Variants in TSPEAR observed in about 807,000 individuals in gnomAD.
The protein encoded by TSPEAR is thrombospondin-type laminin G domain and EAR repeat-containing protein.
Under a neutral mutation model 71.6 loss-of-function variants are expected in TSPEAR, and 69 were observed. The observed-to-expected ratio is 0.96, with a 90% confidence interval of 0.79 to 1.18. TSPEAR has a LOEUF of 1.18. Among genes scored for constraint, TSPEAR ranks in the 50% most tolerant of loss-of-function variants. The probability of loss-of-function intolerance (pLI) is 0.00; values close to 1 mark genes in which losing one functional copy is unlikely to be tolerated. For missense variants in TSPEAR, 971 were observed against 894.9 expected (o/e 1.09, Z -1.09); for synonymous variants, 402 against 387.2 (o/e 1.04, Z -0.45).
chr21:44,683,502 C>CA (rs11412358), intron 1 of TSPEAR, among the ~76,000 whole-genome samples: 97,084 of 151,418 alleles, frequency 0.64, 31,291 homozygotes, highest in South Asian at 0.72. Flanking sequence ...TCTGTCTCTA[C>CA]AAAAAAATGG....
chr21:44,500,941 T>G (rs2052018038), intron 11 of TSPEAR, among the ~76,000 whole-genome samples: 1 of 152,210 alleles, frequency 6.6e-6, no homozygotes, highest in South Asian at 2.1e-4. Context: ...TGCCTTTCCT[T>G]CTGGGCTTGT....
intron 1 of TSPEAR, among the ~76,000 whole-genome samples, chr21:44,668,285 A>C (rs895083206): frequency 1.3e-5 from 2 of 152,256 alleles, no homozygotes. Flanking sequence ...GGAAAGTACA[A>C]TAACAATTCC....
At chr21:44,647,201 C>A in intron 1 of TSPEAR, 2 of 1,613,540 alleles carry the variant, frequency 1.2e-6, no homozygotes, top group African/African-American at 2.7e-5. Flanking sequence ...TGCAGGTCCA[C>A]CTGCTGTGTG....
At chr21:44,587,684 C>G (rs1979427260) in intron 1 of TSPEAR, among the ~76,000 whole-genome samples, 1 of 152,164 alleles carries the variant, frequency 6.6e-6, no homozygotes, top group African/African-American at 2.4e-5. Context: ...GGCACATAGA[C>G]CAATGGAACA....
chr21:44,699,139 G>GT (rs1555951188), intron 1 of TSPEAR, among the ~76,000 whole-genome samples: 1 of 152,162 alleles, frequency 6.6e-6, no homozygotes, highest in Non-Finnish European at 1.5e-5. Context: ...GGAGGGTGCA[G>GT]TGAGCTGAGA....
chr21:44,557,485 AGAT>A (rs2053551120), intron 2 of TSPEAR, among the ~76,000 whole-genome samples: 1 of 152,122 alleles, frequency 6.6e-6, no homozygotes, highest in South Asian at 2.1e-4. Context: ...GCTGGTGAGA[AGAT>A]GATGAGTGGG....
intron 1 of TSPEAR, among the ~76,000 whole-genome samples, chr21:44,570,733 A>G (rs1446640599): frequency 2.6e-5 from 4 of 152,226 alleles, no homozygotes; most frequent in African/African-American, 9.6e-5. Flanking sequence ...CAAAAGGAAA[A>G]TAGAGGAAAC....
chr21:44,660,737 T>C lies in TSPEAR; in HGVS notation c.82+50696A>G, dbSNP rs587619906. Reference sequence around the variant, plus strand: ...ATCCCAGCACTTTGGGAGGCCGAGGTGGGTGGATCACCTGAGGTCAGGAGT... The same window carrying C: ...ATCCCAGCACTTTGGGAGGCCGAGGCGGGTGGATCACCTGAGGTCAGGAGT... On this transcript the variant is annotated intron_variant, in intron 1 of 11. Coordinates refer to ENST00000323084, the MANE Select transcript of TSPEAR (RefSeq NM_144991.3). Among the ~76,000 whole-genome samples, 39 of 146,900 alleles carry C rather than the reference T, an allele frequency of 2.7e-4. No homozygotes were observed. In the South Asian group the frequency reaches 8.1e-3, roughly 30 times the overall value.
In TSPEAR at chr21:44,622,874, C is replaced by A. The variant is rs180936646; in HGVS notation, c.83-54869G>T. On this transcript the variant is annotated intron_variant, in intron 1 of 11. Coordinates refer to ENST00000323084, the MANE Select transcript of TSPEAR (RefSeq NM_144991.3). Reference sequence around the variant, plus strand: ...GTGGGGCCTTGGGGGAGCTATTTGACTCATGGGAGCGGATCTCTCATGACT... The same window carrying A: ...GTGGGGCCTTGGGGGAGCTATTTGAATCATGGGAGCGGATCTCTCATGACT... Among the ~76,000 whole-genome samples, 179 of 152,266 alleles carry A rather than the reference C, an allele frequency of 1.2e-3. 1 individual carries two copies. The highest frequency in any genetic ancestry group is 4.2e-3 in the African/African-American group (173 of 41,550).
intron 9 of TSPEAR, chr21:44,516,319 G>C (rs1480350271): frequency 1.3e-5 from 2 of 152,458 alleles, no homozygotes. Context: ...GCGCCAGGCT[G>C]CCTGCCTGCA....
intron 1 of TSPEAR, among the ~76,000 whole-genome samples, chr21:44,696,517 A>T (rs9981573): frequency 6.6e-6 from 1 of 152,044 alleles, no homozygotes; most frequent in South Asian, 2.1e-4. Flanking sequence ...CATATTTACA[A>T]ACTTGCTCAG....
In TSPEAR at chr21:44,677,099, C is replaced by G. The variant is rs141091653; in HGVS notation, c.82+34334G>C. 3 of 718,034 alleles carry G rather than the reference C, an allele frequency of 4.2e-6. No individual in the cohort carries two copies. In the South Asian group the frequency reaches 4.4e-5, roughly 11 times the overall value. 44.5% of individuals were successfully genotyped at this position (718,034 alleles called of 1,614,324 possible). ...GATACAAGCTTAGACTCAAATTGAG[C>G]TGCTTGGACCTTTTTGACCACATTA... On this transcript the variant is annotated intron_variant, in intron 1 of 11. Transcript: ENST00000323084.
Position 44,655,108 on chromosome 21 carries a change from G to A in TSPEAR, c.82+56325C>T, listed in dbSNP as rs186345211. ...TGATGATTATTGAGGTAACAGTAATGCACAGAGGTCTAGCACTGTGCCAGG... is the reference window on the plus strand; with the variant it reads ...TGATGATTATTGAGGTAACAGTAATACACAGAGGTCTAGCACTGTGCCAGG... On this transcript the variant is annotated intron_variant, in intron 1 of 11. Transcript: ENST00000323084. Among the ~76,000 whole-genome samples the A allele has an allele frequency of 3.7e-3, 556 of 152,326 alleles. 17 individuals carry two copies. The highest frequency in any genetic ancestry group is 7.6e-4 in the Non-Finnish European group (52 of 68,028).
At chr21:44,595,694 C>T (rs1317566434) in intron 1 of TSPEAR, among the ~76,000 whole-genome samples, 2 of 152,220 alleles carry the variant, frequency 1.3e-5, no homozygotes, top group Admixed American at 6.5e-5. Context: ...ACCTGTTTAC[C>T]ATATGCGAGC....
rs782380483 is a variant in TSPEAR, at chr21:44,612,380, T to G, written c.83-44375A>C. The G allele has an allele frequency of 1.2e-6, 2 of 1,614,070 alleles. No individual in the cohort carries two copies. The highest frequency in any genetic ancestry group is 1.7e-5 in the Admixed American group (1 of 60,026). On this transcript the variant is annotated intron_variant, in intron 1 of 11. Coordinates refer to ENST00000323084, the MANE Select transcript of TSPEAR (RefSeq NM_144991.3). This position sits in a 1 kb window ranked among gnomAD's most constrained non-coding sequence, Gnocchi z 4.1. Reference sequence around the variant, plus strand: ...CTGCCAATCAGGCTGCACCGACTCCTGCACACCTTCATGCTGCCAGCAGTC... The same window carrying G: ...CTGCCAATCAGGCTGCACCGACTCCGGCACACCTTCATGCTGCCAGCAGTC...
At chr21:44,651,413 A>G (rs749683107) in intron 1 of TSPEAR, among the ~76,000 whole-genome samples, 3 of 152,214 alleles carry the variant, frequency 2.0e-5, no homozygotes, top group Non-Finnish European at 4.4e-5. Context: ...ATCATCTCAT[A>G]GCAGTGGAGG....
At position 44,498,080 on chromosome 21, in the gene TSPEAR, ACAGT is replaced by A. The variant is rs1160449244; in HGVS notation, c.*1699_*1702del. ...TGCAGGAGAAAAGGAGCAGGTGGGA[ACAGT>A]CAGTTACCTGTTTATCTCGTGCTCA... On this transcript the variant is annotated 3_prime_UTR_variant, in exon 12 of 12. Transcript: ENST00000323084. The A allele has an allele frequency of 2.6e-5, 4 of 152,202 alleles. No individual in the cohort carries two copies. Among genetic ancestry groups the A allele is most frequent in the Non-Finnish European group, 5.9e-5 (4 of 68,048 alleles). The allele number at this position is 152,202 out of a possible 1,614,324, so 9.4% of individuals were successfully genotyped here.
In TSPEAR at chr21:44,682,942, C is replaced by T. The variant is rs372199733; in HGVS notation, c.82+28491G>A. ...GGAAGCTGACTGTGAATCTGTGGAA[C>T]GGGGCAGGGCTGTGCATTCCCAGGG... On this transcript the variant is annotated intron_variant, in intron 1 of 11. Transcript: ENST00000323084. Among the ~76,000 whole-genome samples the T allele has an allele frequency of 3.2e-4, 49 of 152,248 alleles. 1 individual carries two copies. The South Asian group carries it at 7.9e-3, about 25-fold the overall frequency.
At position 44,681,892 on chromosome 21, in the gene TSPEAR, G is replaced by A. The variant is rs782539058; in HGVS notation, c.82+29541C>T. 5.0e-6 allele frequency: 8 copies of A among 1,614,148 alleles called. No individual in the cohort carries two copies. In the African/African-American group the frequency reaches 8.0e-5, roughly 16 times the overall value. ...CTGCAGAGGACGCTGGTGCAGGAAG[G>A]CTGGCAGCACCCAGAGGACTGGCAG... On this transcript the variant is annotated intron_variant, in intron 1 of 11. Coordinates refer to ENST00000323084, the MANE Select transcript of TSPEAR (RefSeq NM_144991.3).
Sources: gnomAD v4.1 joint callset for allele counts (sites outside exome capture counted in the v4.1 genomes callset) on GRCh38, gnomAD v4.1.1 for gene constraint, Gnocchi (gnomAD v3.1) non-coding constraint, MANE v1.5 for transcripts, NCBI Gene and HGNC (gene_info 2026-07-23, HGNC 2026-07-21) for gene names.